Variants in RNASEH2A observed in about 807,000 individuals in gnomAD.
RNASEH2A encodes the protein RNase H(35).
In RNASEH2A, 30 loss-of-function variants were observed where a neutral mutation model predicts 32.7. The observed-to-expected ratio is 0.92, with a 90% confidence interval of 0.69 to 1.25. RNASEH2A has a LOEUF of 1.25. Among genes scored for constraint, RNASEH2A ranks in the 50% most tolerant of loss-of-function variants. The probability of loss-of-function intolerance (pLI) is 0.00; values close to 1 mark genes in which losing one functional copy is unlikely to be tolerated. For missense variants in RNASEH2A, 409 were observed against 398.1 expected (o/e 1.03, Z -0.23); for synonymous variants, 147 against 165.4 (o/e 0.89, Z 0.86).
At chr19:12,811,627 A>T (rs374083104) in intron 6 of RNASEH2A, among the ~76,000 whole-genome samples, 2 of 146,884 alleles carry the variant, frequency 1.4e-5, no homozygotes, top group South Asian at 2.2e-4. Flanking sequence ...CAAAAAAAAA[A>T]ATAATGTTAG....
At position 12,806,626 on chromosome 19, in the gene RNASEH2A, G is replaced by C; in HGVS notation, c.-48G>C. ...CCGCGGAAAACGCGCGCCGAGACCC[G>C]CTCCTGCAGTATTAGTTCTTGCAGC... On this transcript the variant is annotated 5_prime_UTR_variant, in exon 1 of 8. Transcript: ENST00000221486. The C allele has an allele frequency of 6.4e-7, 1 of 1,558,042 alleles. No individual in the cohort carries two copies. Among genetic ancestry groups the C allele is most frequent in the South Asian group, 1.2e-5 (1 of 84,572 alleles).
At chr19:12,812,772 C>T (rs1021840951) in intron 6 of RNASEH2A, among the ~76,000 whole-genome samples, 1 of 151,700 alleles carries the variant, frequency 6.6e-6, no homozygotes, top group Non-Finnish European at 1.5e-5. Context: ...TTTGGGAGGC[C>T]GAGGGGGGTA....
chr19:12,809,467 T>G (rs1257969385), intron 4 of RNASEH2A, among the ~76,000 whole-genome samples: 1 of 152,184 alleles, frequency 6.6e-6, no homozygotes, highest in Non-Finnish European at 1.5e-5. Flanking sequence ...GTTCACTTCC[T>G]CACCTCCTTC....
At position 12,813,509 on chromosome 19, in the gene RNASEH2A, T is replaced by C; in HGVS notation, c.*43T>C. ...TCTACCTGCTTCCCCAACCCAGACA[T>C]TAAAATTGTTTAAGGAGAACCACAC... is the stretch of plus-strand genomic sequence containing the variant. On this transcript the variant is annotated 3_prime_UTR_variant, in exon 8 of 8. Transcript: ENST00000221486. 6.2e-6 allele frequency: 10 copies of C among 1,607,612 alleles called. No homozygotes were observed. Among genetic ancestry groups the C allele is most frequent in the Non-Finnish European group, 8.5e-6 (10 of 1,179,832 alleles).
Position 12,813,498 on chromosome 19 carries a change from C to A in RNASEH2A, c.*32C>A. The A allele has an allele frequency of 6.2e-7, 1 of 1,609,976 alleles. No individual in the cohort carries two copies. On this transcript the variant is annotated 3_prime_UTR_variant, in exon 8 of 8. Transcript: ENST00000221486. ...CCTCTACGCGCTCTACCTGCTTCCC[C>A]AACCCAGACATTAAAATTGTTTAAG...
intron 6 of RNASEH2A, among the ~76,000 whole-genome samples, chr19:12,811,069 A>G (rs1324432590): frequency 1.3e-5 from 2 of 152,144 alleles, no homozygotes; most frequent in East Asian, 1.9e-4. Context: ...CCAAATAGCT[A>G]GGATTACAGG....
At chr19:12,807,699 CG>C (rs1969015612) in intron 4 of RNASEH2A, 193 bp downstream of exon 4, 2 of 623,910 alleles carry the variant, frequency 3.2e-6, no homozygotes, top group Non-Finnish European at 2.9e-6. Context: ...TGGGAAGCCG[CG>C]GCGGGTAGAT....
intron 4 of RNASEH2A, 131 bp from the exon 5 acceptor site, chr19:12,809,940 C>A: frequency 8.3e-7 from 1 of 1,202,316 alleles, no homozygotes; most frequent in Non-Finnish European, 1.2e-6. Flanking sequence ...AGTTGAAATC[C>A]CTGATTGATC....
rs549586181 is a variant in RNASEH2A, at chr19:12,807,209, C to CA, written c.206dup (p.Thr70AspfsTer50). 115 of 1,614,110 alleles carry CA rather than the reference C, an allele frequency of 7.1e-5. No homozygotes were observed. In the African/African-American group the frequency reaches 1.5e-3, roughly 21 times the overall value. On this transcript the variant is annotated frameshift_variant, in exon 3 of 8. Coordinates refer to ENST00000221486, the MANE Select transcript of RNASEH2A (RefSeq NM_006397.3). LOFTEE classifies it high-confidence loss of function. The stretch of plus-strand genomic sequence containing the variant: ...TCTCTTCCAAACCTCCTCCCAGACT[C>CA]AAAGACCCTATTGGAGAGCGAGCGG...
At chr19:12,810,032 G>C in intron 4 of RNASEH2A, 39 bp from the exon 5 acceptor site, 2 of 1,613,558 alleles carry the variant, frequency 1.2e-6, no homozygotes, top group Non-Finnish European at 1.7e-6. Context: ...CATTGGTACA[G>C]TTGTTTGTTC....
At chr19:12,811,946 T>TAA (rs1969079757) in intron 6 of RNASEH2A, among the ~76,000 whole-genome samples, 3 of 142,870 alleles carry the variant, frequency 2.1e-5, no homozygotes, top group African/African-American at 8.0e-5. Context: ...AATAATAATA[T>TAA]TTAATGACAG....
intron 1 of RNASEH2A, 33 bp from the exon 2 acceptor site, chr19:12,806,975 G>A (rs2145824461): frequency 6.2e-7 from 1 of 1,612,014 alleles, no homozygotes; most frequent in South Asian, 1.1e-5. Context: ...ATTGGACCCC[G>A]GCTGCCAGAA....
chr19:12,807,556 G>T, intron 4 of RNASEH2A, 50 bp downstream of exon 4: 1 of 1,451,774 alleles, frequency 6.9e-7, no homozygotes, highest in Non-Finnish European at 9.7e-7. Context: ...GATAAAATGG[G>T]GACAAAACAG....
At chr19:12,809,962 C>G in intron 4 of RNASEH2A, 109 bp from the exon 5 acceptor site, 1 of 1,372,112 alleles carries the variant, frequency 7.3e-7, no homozygotes, top group Non-Finnish European at 1.0e-6. Flanking sequence ...ATCCTGGGGA[C>G]GTGCTGGAGA....
Position 12,807,066 on chromosome 19 carries a change from G to A in RNASEH2A, c.186G>A (p.Ala62=), listed in dbSNP as rs759813592. The part of the protein sequence containing the change: ...CPLPRLADLE[A]LKVADSKTLL... Reference sequence around the variant, plus strand: ...TGCCTCGCCTGGCAGATCTGGAGGCGCTGAAAGTGGCAGGTGAGCCCGAGG... The same window carrying A: ...TGCCTCGCCTGGCAGATCTGGAGGCACTGAAAGTGGCAGGTGAGCCCGAGG... The change falls in exon 2 of 8, where the codon GCG becomes GCA. Residue 62 remains alanine, a synonymous_variant. Coordinates refer to ENST00000221486, the MANE Select transcript of RNASEH2A (RefSeq NM_006397.3). 6 of 1,614,166 alleles carry A rather than the reference G, an allele frequency of 3.7e-6. No homozygotes were observed. The Admixed American group carries it at 6.7e-5, about 18-fold the overall frequency.
At chr19:12,810,242 C>T (rs747988842) in intron 5 of RNASEH2A, 34 bp downstream of exon 5, 85 of 1,614,066 alleles carry the variant, frequency 5.3e-5, no homozygotes, top group Non-Finnish European at 6.8e-5. Context: ...TGGCTTCCAC[C>T]ATCCCACTAT....
intron 6 of RNASEH2A, among the ~76,000 whole-genome samples, chr19:12,812,045 CT>C: frequency 6.6e-6 from 1 of 152,012 alleles, no homozygotes; most frequent in East Asian, 1.9e-4. Context: ...CACAACCAGC[CT>C]GGGCAATATG....
rs1458073677 is a variant in RNASEH2A at position 12,810,184 on chromosome 19, T to A, written c.525T>A (p.Val175=). 6.2e-7 allele frequency: 1 copy of A among 1,614,088 alleles called. No homozygotes were observed. Among genetic ancestry groups the A allele is most frequent in the African/African-American group, 1.3e-5 (1 of 74,928 alleles). ...AAGCAGATGCCCTCTACCCGGTGGT[T>A]AGTGCTGCCAGCATCTGTGCCAAGG... ...KAKADALYPV[V]SAASICAKVA... The change falls in exon 5 of 8, where the codon GTT becomes GTA. Residue 175 remains valine (V), a synonymous_variant. Transcript: ENST00000221486.
At position 12,806,673 on chromosome 19, in the gene RNASEH2A, C is replaced by T. The variant is rs1268671209; in HGVS notation, c.-1C>T. ...CAGCTGGTGGTGGCGGCTGAGGCGG[C>T]ATGGATCTCAGCGAGCTGGAGAGAG... On this transcript the variant is annotated 5_prime_UTR_variant, in exon 1 of 8. Coordinates refer to ENST00000221486, the MANE Select transcript of RNASEH2A (RefSeq NM_006397.3). 1 of 1,574,538 alleles carries T rather than the reference C, an allele frequency of 6.4e-7. No individual in the cohort carries two copies. Among genetic ancestry groups the T allele is most frequent in the African/African-American group, 1.3e-5 (1 of 74,178 alleles).
Sources: gnomAD v4.1 joint callset for allele counts (sites outside exome capture counted in the v4.1 genomes callset) on GRCh38, gnomAD v4.1.1 for gene constraint, MANE v1.5 for transcripts, NCBI Gene and HGNC (gene_info 2026-07-23, HGNC 2026-07-21) for gene names.